MAP4: variants seen among roughly 807,000 people sequenced by gnomAD.
The protein encoded by MAP4 is microtubule-associated protein 4.
A neutral mutation model predicts 170.2 loss-of-function variants in MAP4; 76 were observed. The observed-to-expected ratio is 0.45, with a 90% CI of 0.37 to 0.54. MAP4 has a LOEUF of 0.54. Ranked by LOEUF, MAP4 falls within the 20% of genes least tolerant of loss-of-function variation. The probability of loss-of-function intolerance (pLI) is 0.00; values close to 1 mark genes in which losing one functional copy is unlikely to be tolerated. For synonymous variants in MAP4, 909 were observed against 994.5 expected (o/e 0.91, Z 1.62); for missense variants, 2,506 against 2,748.0 (o/e 0.91, Z 1.97).
intron 9 of MAP4, 30 bp from the exon 10 acceptor site, chr3:47,903,030 A>G (rs2100030955): frequency 2.1e-6 from 2 of 963,536 alleles, no homozygotes; most frequent in Non-Finnish European, 2.5e-6. Context: ...CCAGATTATA[A>G]GAAGACCAGG....
At chr3:48,053,184 G>T (rs1268101684) in intron 1 of MAP4, among the ~76,000 whole-genome samples, 1 of 152,160 alleles carries the variant, frequency 6.6e-6, no homozygotes, top group Non-Finnish European at 1.5e-5. Context: ...TAGACCTGAT[G>T]CATCAATCTG....
chr3:47,866,165 C>T (rs1167733925), intron 17 of MAP4, among the ~76,000 whole-genome samples: 1 of 151,762 alleles, frequency 6.6e-6, no homozygotes, highest in Non-Finnish European at 1.5e-5. Context: ...GATGAAACCC[C>T]GTCTCTACTA....
intron 1 of MAP4, among the ~76,000 whole-genome samples, chr3:48,067,896 T>C (rs2100139072): frequency 6.6e-6 from 1 of 152,148 alleles, no homozygotes; most frequent in African/African-American, 2.4e-5. Flanking sequence ...TGCCTTGGCC[T>C]CCCAAAGTGC....
At chr3:47,866,771 G>A (rs2081158368) in intron 17 of MAP4, among the ~76,000 whole-genome samples, 1 of 151,896 alleles carries the variant, frequency 6.6e-6, no homozygotes, top group South Asian at 2.1e-4. Context: ...CGTGGGGAAG[G>A]GATAGGAAGA....
At chr3:47,976,603 T>C (rs2100082311) in intron 3 of MAP4, among the ~76,000 whole-genome samples, 1 of 152,190 alleles carries the variant, frequency 6.6e-6, no homozygotes, top group South Asian at 2.1e-4. Context: ...AAAAACCACA[T>C]CACATAGATG....
At chr3:48,004,841 C>CA (rs1202947831) in intron 1 of MAP4, among the ~76,000 whole-genome samples, 18 of 152,120 alleles carry the variant, frequency 1.2e-4, no homozygotes, top group Admixed American at 7.2e-4. Context: ...CATAACCCCC[C>CA]ATCCCCGCCA....
At chr3:47,987,300 A>G in intron 2 of MAP4, 1 of 958,624 alleles carries the variant, frequency 1.0e-6, no homozygotes, top group Non-Finnish European at 1.5e-6. Flanking sequence ...CATGTTAATA[A>G]GTGTAAGATA....
At chr3:48,076,006 A>AGATTTT (rs1043455510) in intron 1 of MAP4, among the ~76,000 whole-genome samples, 1 of 151,506 alleles carries the variant, frequency 6.6e-6, no homozygotes. Context: ...ACAAAGAAAA[A>AGATTTT]GATTTTGGAT....
chr3:47,974,025 G>C (rs1201302395), intron 3 of MAP4: 15 of 985,322 alleles, frequency 1.5e-5, no homozygotes, highest in Non-Finnish European at 1.8e-5. Context: ...CTGTAGAAGA[G>C]GGAATGCTTC....
At chr3:47,892,836 G>A (rs1371543984) in intron 10 of MAP4, 2 of 1,067,106 alleles carry the variant, frequency 1.9e-6, no homozygotes, top group Non-Finnish European at 2.3e-6. Flanking sequence ...AAGCACTAAG[G>A]ATAGTAATTA....
At chr3:48,011,657 T>G (rs1338193352) in intron 1 of MAP4, among the ~76,000 whole-genome samples, 1 of 152,148 alleles carries the variant, frequency 6.6e-6, no homozygotes, top group African/African-American at 2.4e-5. Context: ...TCCAGCCTAC[T>G]TTACATATAA....
At chr3:47,999,000 G>C (rs2100097774) in intron 1 of MAP4, 121 bp from the exon 2 acceptor site, 1 of 650,384 alleles carries the variant, frequency 1.5e-6, no homozygotes, top group African/African-American at 1.8e-5. Context: ...TTTACAGCTA[G>C]AAGAGGCTCC....
chr3:47,889,801 A>G (rs79767892), intron 10 of MAP4, among the ~76,000 whole-genome samples: 3 of 152,342 alleles, frequency 2.0e-5, no homozygotes, highest in East Asian at 3.9e-4. Flanking sequence ...AGAAGGAAGC[A>G]ACAGCATGGG....
chr3:47,989,680 A>G (rs1298472010), intron 2 of MAP4, among the ~76,000 whole-genome samples: 1 of 152,236 alleles, frequency 6.6e-6, no homozygotes, highest in Non-Finnish European at 1.5e-5. Context: ...AAACAACGTA[A>G]CAACACTAAA....
At chr3:48,062,402 T>C (rs1178752137) in intron 1 of MAP4, among the ~76,000 whole-genome samples, 4 of 150,586 alleles carry the variant, frequency 2.7e-5, no homozygotes, top group East Asian at 1.9e-4. Flanking sequence ...CCAGAGACCT[T>C]TGTTCACTTG....
chr3:48,025,581 G>A (rs2154493554), intron 1 of MAP4, among the ~76,000 whole-genome samples: 1 of 152,000 alleles, frequency 6.6e-6, no homozygotes, highest in African/African-American at 2.4e-5. Context: ...GAGCCACCAT[G>A]ACATCTTTTT....
intron 3 of MAP4, among the ~76,000 whole-genome samples, chr3:47,949,465 CAAAAAAAAAAAAAAAA>C (rs60076214): frequency 4.2e-5 from 3 of 70,890 alleles, no homozygotes; most frequent in African/African-American, 1.8e-4. Flanking sequence ...GACTGCGTCC[CAAAAAAAAAAAAAAAA>C]AAAAAAAAGA....
intron 3 of MAP4, among the ~76,000 whole-genome samples, chr3:47,949,828 G>A (rs2100062519): frequency 6.6e-6 from 1 of 152,058 alleles, no homozygotes; most frequent in South Asian, 2.1e-4. Context: ...TCTTTCTCCC[G>A]TGGCCTCATG....
chr3:47,932,249 A>G (rs760986199), intron 3 of MAP4, among the ~76,000 whole-genome samples: 1 of 152,200 alleles, frequency 6.6e-6, no homozygotes, highest in Non-Finnish European at 1.5e-5. Context: ...ATGCTGTAGT[A>G]TGGTAACTGA....
Sources: gnomAD v4.1 joint callset for allele counts (sites outside exome capture counted in the v4.1 genomes callset) on GRCh38, gnomAD v4.1.1 for gene constraint, MANE v1.5 for transcripts, NCBI Gene and HGNC (gene_info 2026-07-23, HGNC 2026-07-21) for gene names.